Variants in RHBDD1 observed in about 807,000 individuals in gnomAD.
RHBDD1 encodes rhomboid domain containing 1, also known as rhomboid-related protein 4.
A neutral mutation model predicts 36.3 loss-of-function variants in RHBDD1; 38 were observed. That is an observed-to-expected ratio of 1.05 (90% CI 0.81 to 1.37). The LOEUF (loss-of-function observed/expected upper bound fraction) is 1.37, where lower values mean the gene tolerates loss of function less well. Among genes scored for constraint, RHBDD1 ranks in the 40% most tolerant of loss-of-function variants. The pLI, the probability that RHBDD1 is intolerant of heterozygous loss-of-function variation, is 0.00. For missense variants in RHBDD1, 393 were observed against 377.6 expected (o/e 1.04, Z -0.34); for synonymous variants, 151 against 136.5 (o/e 1.11, Z -0.74).
At chr2:226,856,998 A>G (rs10189353) in intron 3 of RHBDD1, among the ~76,000 whole-genome samples, 35,913 of 152,034 alleles carry the variant, frequency 0.24, 7,905 homozygotes, top group African/African-American at 0.59. Context: ...CAGTCTTTGC[A>G]GTTTAACCAG....
intron 5 of RHBDD1, among the ~76,000 whole-genome samples, chr2:226,882,675 T>C (rs1255640299): frequency 6.6e-6 from 1 of 152,074 alleles, no homozygotes; most frequent in Non-Finnish European, 1.5e-5. Flanking sequence ...AATTTTTACC[T>C]AATGTCTTTT....
Position 226,851,013 on chromosome 2 carries a change from C to T in RHBDD1, c.-91+11386C>T, listed in dbSNP as rs114910128. 2.8e-3 allele frequency among the ~76,000 whole-genome samples: 426 copies of T among 152,260 alleles called. 3 individuals are homozygous for T. Among genetic ancestry groups the T allele is most frequent in the African/African-American group, 9.6e-3 (399 of 41,564 alleles). The stretch of plus-strand genomic sequence containing the variant: ...ATGTTCAGGAAATAAAACAACTTAA[C>T]TCCTTTGAAACAAGGAACAAGAAGT... On this transcript the variant is annotated intron_variant, in intron 3 of 8. Transcript: ENST00000392062.
At chr2:226,987,426 T>C (rs1443237079) in intron 8 of RHBDD1, among the ~76,000 whole-genome samples, 1 of 152,212 alleles carries the variant, frequency 6.6e-6, no homozygotes. Flanking sequence ...GCATGGCTGC[T>C]TCTGTGCCCA....
At chr2:226,871,172 A>G (rs892833908) in intron 5 of RHBDD1, among the ~76,000 whole-genome samples, 2 of 152,086 alleles carry the variant, frequency 1.3e-5, no homozygotes, top group East Asian at 1.9e-4. Context: ...CAGATTTTCA[A>G]TTATTTTTCA....
At chr2:226,804,252 A>C in the RHBDD1 span, 1 of 152,228 alleles carries the variant, frequency 6.6e-6, no homozygotes, top group African/African-American at 2.4e-5. Context: ...ACCTCATCCC[A>C]GTCCTGCTAA....
At position 226,851,956 on chromosome 2, in the gene RHBDD1, T is replaced by C. The variant is rs1380492791; in HGVS notation, c.-91+12329T>C. On this transcript the variant is annotated intron_variant, in intron 3 of 8. Coordinates refer to ENST00000392062, the MANE Select transcript of RHBDD1 (RefSeq NM_001167608.3). ...TTTGTTGGCTTGTTTTACCTTTTAG[T>C]TCTTCAGCCATTCTATCCTCCTCCT... is the stretch of plus-strand genomic sequence containing the variant. 2.0e-5 allele frequency among the ~76,000 whole-genome samples: 3 copies of C among 152,228 alleles called. No individual in the cohort carries two copies. The South Asian group carries it at 6.2e-4, about 32-fold the overall frequency.
intron 8 of RHBDD1, among the ~76,000 whole-genome samples, chr2:226,916,297 T>C (rs1205775129): frequency 6.6e-6 from 1 of 152,208 alleles, no homozygotes; most frequent in Non-Finnish European, 1.5e-5. Context: ...TTGTAATCGC[T>C]GTATCACATA....
chr2:226,953,901 T>A (rs1951602078), intron 8 of RHBDD1, among the ~76,000 whole-genome samples: 1 of 152,142 alleles, frequency 6.6e-6, no homozygotes, highest in Non-Finnish European at 1.5e-5. Context: ...ATCTCTGCCA[T>A]TTTACATTTA....
At chr2:226,957,668 A>C (rs1951870353) in intron 8 of RHBDD1, among the ~76,000 whole-genome samples, 1 of 152,216 alleles carries the variant, frequency 6.6e-6, no homozygotes, top group Non-Finnish European at 1.5e-5. Flanking sequence ...GACTTCTATC[A>C]AGTCTATATA....
chr2:226,811,727 A>G, the RHBDD1 span, among the ~76,000 whole-genome samples: 1 of 152,364 alleles, frequency 6.6e-6, no homozygotes, highest in South Asian at 2.1e-4. Context: ...AGTGCTTTCT[A>G]AATTTCTCCA....
intron 8 of RHBDD1, among the ~76,000 whole-genome samples, chr2:226,984,774 G>T (rs2149480258): frequency 6.6e-6 from 1 of 152,296 alleles, no homozygotes; most frequent in Admixed American, 6.5e-5. Context: ...CATTCACTCA[G>T]TGCTAGGCCA....
chr2:226,870,539 A>G (rs987987430), intron 5 of RHBDD1, among the ~76,000 whole-genome samples: 6 of 152,124 alleles, frequency 3.9e-5, no homozygotes, highest in Non-Finnish European at 8.8e-5. Context: ...CTGCATTTGG[A>G]CCCTGGGGTA....
chr2:226,932,157 A>G (rs950879981), intron 8 of RHBDD1, among the ~76,000 whole-genome samples: 4 of 152,062 alleles, frequency 2.6e-5, no homozygotes, highest in Non-Finnish European at 2.9e-5. Context: ...CTTTTTTATT[A>G]GCATACTATA....
chr2:226,886,295 G>A lies in RHBDD1; in HGVS notation c.566+18977G>A, dbSNP rs17349847. Reference sequence around the variant, plus strand: ...TAAATATTTGTTGAATGAAGCCAGCGTTTGGGGTGTCTGGCCCAGCTAAAG... The same window carrying A: ...TAAATATTTGTTGAATGAAGCCAGCATTTGGGGTGTCTGGCCCAGCTAAAG... On this transcript the variant is annotated intron_variant, in intron 5 of 8. Coordinates refer to ENST00000392062, the MANE Select transcript of RHBDD1 (RefSeq NM_001167608.3). 5.0e-3 allele frequency among the ~76,000 whole-genome samples: 767 copies of A among 152,262 alleles called. 4 individuals are homozygous for A. The highest frequency in any genetic ancestry group is 8.2e-3 in the Non-Finnish European group (557 of 68,036).
intron 8 of RHBDD1, among the ~76,000 whole-genome samples, chr2:226,950,432 T>C (rs1383848605): frequency 6.6e-6 from 1 of 152,228 alleles, no homozygotes; most frequent in Non-Finnish European, 1.5e-5. Context: ...CCATGTTTTA[T>C]TTATTCATTC....
intron 5 of RHBDD1, among the ~76,000 whole-genome samples, chr2:226,880,327 A>G (rs577920424): frequency 1.3e-5 from 2 of 152,220 alleles, no homozygotes; most frequent in South Asian, 4.1e-4. Context: ...TCATTTATAT[A>G]TTTCCTCCCT....
chr2:226,985,585 CGAGCTGTAGCTCAATGGTTCTCAAAGGCT>C (rs1280323414), intron 8 of RHBDD1, among the ~76,000 whole-genome samples: 1 of 152,182 alleles, frequency 6.6e-6, no homozygotes, highest in Non-Finnish European at 1.5e-5. Flanking sequence ...AAGAAAAATC[CGAGCTGTAGCTCAATGGTTCTCAAAGGCT>C]GATGTACATC....
At chr2:226,884,036 A>C (rs952884414) in intron 5 of RHBDD1, among the ~76,000 whole-genome samples, 5 of 152,202 alleles carry the variant, frequency 3.3e-5, no homozygotes, top group African/African-American at 1.2e-4. Context: ...TTTAGGAGAC[A>C]CTATTGGAGA....
At chr2:226,931,551 C>T (rs1950032636) in intron 8 of RHBDD1, among the ~76,000 whole-genome samples, 1 of 152,004 alleles carries the variant, frequency 6.6e-6, no homozygotes, top group African/African-American at 2.4e-5. Context: ...ACAATGTACA[C>T]TACTTGGGTG....
Sources: gnomAD v4.1 joint callset for allele counts (sites outside exome capture counted in the v4.1 genomes callset) on GRCh38, gnomAD v4.1.1 for gene constraint, MANE v1.5 for transcripts, NCBI Gene and HGNC (gene_info 2026-07-23, HGNC 2026-07-21) for gene names.